Variants in PCDH11X observed in about 807,000 individuals in gnomAD.
The protein encoded by PCDH11X is protocadherin 11 X-linked, also known as protocadherin-11 X-linked.
Under a neutral mutation model 53.3 loss-of-function variants are expected in PCDH11X, and 18 were observed. The observed-to-expected ratio is 0.34, with a 90% CI of 0.23 to 0.50. PCDH11X has a LOEUF of 0.50. Among genes scored for constraint, PCDH11X ranks in the 20% least tolerant of loss-of-function variants. PCDH11X has a pLI of 0.98. For synonymous variants in PCDH11X, 279 were observed against 393.3 expected (o/e 0.71, Z 3.44); for missense variants, 570 against 1,032.4 (o/e 0.55, Z 6.14).
chrX:91,950,695 T>G (rs1046482856), intron 6 of PCDH11X, among the ~76,000 whole-genome samples: 12 of 108,100 alleles, frequency 1.1e-4, no homozygotes, highest in Non-Finnish European at 2.1e-4. Context: ...AACTGTGAAT[T>G]GCAAAAGCAC....
In PCDH11X at chrX:92,246,058, A is replaced by G. The variant is rs184573482; in HGVS notation, c.3115-17056A>G. On this transcript the variant is annotated intron_variant, in intron 7 of 10. Coordinates refer to ENST00000682573, the MANE Select transcript of PCDH11X (RefSeq NM_032968.5). ...ATGAGGTAAATACAAATGTAATTGC[A>G]TAACACTAAAATTAATTCAAATGCC... is the stretch of plus-strand genomic sequence containing the variant. 4.1e-4 allele frequency among the ~76,000 whole-genome samples: 46 copies of G among 111,687 alleles called. No homozygotes were observed. In the East Asian group the frequency reaches 0.012, roughly 30 times the overall value.
intron 6 of PCDH11X, among the ~76,000 whole-genome samples, chrX:91,916,263 A>G (rs1333883454): frequency 1.8e-5 from 2 of 110,967 alleles, no homozygotes; most frequent in Non-Finnish European, 3.8e-5. Context: ...GTTGCACCTC[A>G]AGGAACTAGA....
Position 91,794,266 on chromosome X carries a change from A to G in PCDH11X, c.-379+14582A>G, listed in dbSNP as rs746168860. 5.4e-5 allele frequency among the ~76,000 whole-genome samples: 6 copies of G among 111,804 alleles called. No homozygotes were observed. In the South Asian group the frequency reaches 2.2e-3, roughly 42 times the overall value. On this transcript the variant is annotated intron_variant, in intron 1 of 10. Transcript: ENST00000682573. Reference sequence around the variant, plus strand: ...TTTTTAGCCTCCCTTTCTTTTGTCCATTTCTGTTTTTCAAATGAAGAATTG... The same window carrying G: ...TTTTTAGCCTCCCTTTCTTTTGTCCGTTTCTGTTTTTCAAATGAAGAATTG...
At chrX:91,822,927 A>G (rs1438174531) in intron 4 of PCDH11X, among the ~76,000 whole-genome samples, 1 of 110,804 alleles carries the variant, frequency 9.0e-6, no homozygotes, top group Non-Finnish European at 1.9e-5. Flanking sequence ...TGATTTCGTT[A>G]TGTACCCAGT....
intron 6 of PCDH11X, among the ~76,000 whole-genome samples, chrX:92,042,590 T>G (rs1445868507): frequency 1.9e-5 from 2 of 103,399 alleles, no homozygotes; most frequent in Non-Finnish European, 3.9e-5. Context: ...ACACAAATAA[T>G]TATTTGAATA....
intron 6 of PCDH11X, among the ~76,000 whole-genome samples, chrX:91,899,009 T>C (rs1285175802): frequency 9.0e-6 from 1 of 110,757 alleles, no homozygotes; most frequent in African/African-American, 3.3e-5. Flanking sequence ...TTCATAATTG[T>C]TACCAATACC....
chrX:92,298,491 A>C (rs1381943102), intron 8 of PCDH11X, among the ~76,000 whole-genome samples: 1 of 111,911 alleles, frequency 8.9e-6, no homozygotes. Flanking sequence ...CCCAGGAATA[A>C]AGTCTATTTG....
chrX:91,944,824 A>G (rs1202429059), intron 6 of PCDH11X, among the ~76,000 whole-genome samples: 1 of 107,325 alleles, frequency 9.3e-6, no homozygotes, highest in African/African-American at 3.3e-5. Flanking sequence ...AACTTATTTT[A>G]AAGGCATTTC....
chrX:92,265,007 T>A (rs1436760752), intron 8 of PCDH11X, among the ~76,000 whole-genome samples: 2 of 107,836 alleles, frequency 1.9e-5, no homozygotes, highest in Non-Finnish European at 3.8e-5. Flanking sequence ...ATCTCAAAAT[T>A]CAACAGAAAA....
intron 6 of PCDH11X, chrX:92,113,996 C>T (rs2064579128): frequency 5.8e-6 from 7 of 1,208,109 alleles, no homozygotes; most frequent in East Asian, 5.9e-5. Context: ...GGGGTACCCA[C>T]GATGATGTGG....
intron 6 of PCDH11X, among the ~76,000 whole-genome samples, chrX:91,949,585 A>T (rs1006607493): frequency 1.2e-4 from 13 of 110,160 alleles, no homozygotes; most frequent in Non-Finnish European, 2.5e-4. Context: ...ACTCAATGCT[A>T]CTTTTGTCAC....
intron 6 of PCDH11X, among the ~76,000 whole-genome samples, chrX:91,976,419 T>C (rs1308460912): frequency 3.6e-5 from 4 of 112,469 alleles, no homozygotes; most frequent in Admixed American, 2.8e-4. Flanking sequence ...TTCATCCAAA[T>C]TGATGTTCCT....
chrX:92,170,409 G>A (rs1475388241), intron 6 of PCDH11X, among the ~76,000 whole-genome samples: 1 of 110,431 alleles, frequency 9.1e-6, no homozygotes, highest in Non-Finnish European at 1.9e-5. Context: ...TAAGATTACT[G>A]AAAGAGAGCT....
intron 6 of PCDH11X, among the ~76,000 whole-genome samples, chrX:91,882,641 A>G (rs1387469422): frequency 1.8e-5 from 2 of 109,926 alleles, no homozygotes; most frequent in African/African-American, 6.7e-5. Flanking sequence ...AGTTTCAGAA[A>G]TGAGGTGAAT....
intron 8 of PCDH11X, among the ~76,000 whole-genome samples, chrX:92,273,092 C>T (rs1483234972): frequency 8.9e-6 from 1 of 111,795 alleles, no homozygotes; most frequent in Non-Finnish European, 1.9e-5. Flanking sequence ...CTTTCATGCG[C>T]ATCCATGTGA....
At chrX:92,370,460 C>CTTTTTTTTT (rs576718286) in intron 8 of PCDH11X, among the ~76,000 whole-genome samples, 5 of 80,303 alleles carry the variant, frequency 6.2e-5, no homozygotes, top group African/African-American at 1.3e-4. Flanking sequence ...GTTCTTTTTT[C>CTTTTTTTTT]TTTTTTTTTT....
chrX:92,224,376 A>G (rs2066933027), intron 7 of PCDH11X, among the ~76,000 whole-genome samples: 1 of 111,815 alleles, frequency 8.9e-6, no homozygotes, highest in Non-Finnish European at 1.9e-5. Flanking sequence ...GACTTTTTTG[A>G]TCCTTGAAGG....
chrX:92,443,583 C>T (rs2072563332), intron 9 of PCDH11X, among the ~76,000 whole-genome samples: 1 of 110,012 alleles, frequency 9.1e-6, no homozygotes, highest in Non-Finnish European at 1.9e-5. Flanking sequence ...GAGAATGCAG[C>T]CATAAATTAT....
At chrX:91,927,044 AGAAT>A (rs1941970604) in intron 6 of PCDH11X, among the ~76,000 whole-genome samples, 2 of 111,302 alleles carry the variant, frequency 1.8e-5, no homozygotes, top group South Asian at 7.5e-4. Context: ...TTCTGCATCA[AGAAT>A]GAAAGCAAGA....
Sources: gnomAD v4.1 joint callset for allele counts (sites outside exome capture counted in the v4.1 genomes callset) on GRCh38, gnomAD v4.1.1 for gene constraint, MANE v1.5 for transcripts, NCBI Gene and HGNC (gene_info 2026-07-23, HGNC 2026-07-21) for gene names.